The following INTS4 variants were observed in gnomAD, a reference collection of about 807,000 sequenced individuals.
INTS4 encodes integrator complex subunit 4.
Under a neutral mutation model 119.5 loss-of-function variants are expected in INTS4, and 70 were observed. The ratio of observed to expected loss-of-function variants is 0.59; its 90% CI spans 0.48 to 0.71. The LOEUF (loss-of-function observed/expected upper bound fraction) is 0.71. Ranked by LOEUF, INTS4 falls within the 30% of genes least tolerant of loss-of-function variation. The probability of loss-of-function intolerance (pLI) is 0.00; values close to 1 mark genes in which losing one functional copy is unlikely to be tolerated. For missense variants in INTS4, 867 were observed against 1,173.2 expected, an observed-to-expected ratio of 0.74 and a Z score of 3.81; for synonymous variants, 316 against 419.6, an observed-to-expected ratio of 0.75 and a Z score of 3.02.
intron 21 of INTS4, among the ~76,000 whole-genome samples, chr11:77,886,430 C>A (rs1289443978): frequency 6.6e-6 from 1 of 152,138 alleles, no homozygotes; most frequent in Admixed American, 6.6e-5. Flanking sequence ...AGTTAATAAT[C>A]GCGAAGGCCC....
At chr11:77,891,909 A>T in intron 19 of INTS4, 69 bp from the exon 20 acceptor site, 27 of 1,599,910 alleles carry the variant, frequency 1.7e-5, no homozygotes, top group Non-Finnish European at 2.3e-5. Flanking sequence ...TGGGCCCCAG[A>T]CACCTATCAA....
chr11:77,963,375 CAAA>C (rs1162893388), intron 4 of INTS4: 4 of 182,546 alleles, frequency 2.2e-5, no homozygotes, highest in South Asian at 1.7e-4. Flanking sequence ...AAAAAAAAAA[CAAA>C]AAAAACTGCT....
At chr11:77,982,615 T>C (rs1856292108) in intron 2 of INTS4, among the ~76,000 whole-genome samples, 1 of 152,104 alleles carries the variant, frequency 6.6e-6, no homozygotes, top group African/African-American at 2.4e-5. Flanking sequence ...AAAATTCCTG[T>C]GGTGAGAAAT....
intron 1 of INTS4, 59 bp downstream of exon 1, chr11:77,994,531 G>A: frequency 7.4e-7 from 1 of 1,357,270 alleles, no homozygotes; most frequent in Non-Finnish European, 1.1e-6. Context: ...AAAGTGCCTG[G>A]GATTTGGATA....
chr11:77,963,431 T>C (rs1855345799), intron 4 of INTS4: 8 of 416,810 alleles, frequency 1.9e-5, no homozygotes, highest in South Asian at 1.1e-4. Context: ...TTAAAAAAAA[T>C]TGCTAAGTGT....
intron 1 of INTS4, among the ~76,000 whole-genome samples, chr11:77,992,798 G>A (rs566538598): frequency 4.7e-4 from 71 of 152,246 alleles, no homozygotes; most frequent in African/African-American, 1.5e-3. Flanking sequence ...AGAGCTAGTC[G>A]ATAAATCTGT....
intron 2 of INTS4, among the ~76,000 whole-genome samples, chr11:77,983,833 A>G (rs1856341730): frequency 6.6e-6 from 1 of 152,188 alleles, no homozygotes; most frequent in African/African-American, 2.4e-5. Flanking sequence ...TGGCTCCTCA[A>G]AAAATTAATA....
intron 4 of INTS4, among the ~76,000 whole-genome samples, chr11:77,969,983 A>T (rs935596663): frequency 6.6e-6 from 1 of 152,162 alleles, no homozygotes; most frequent in Non-Finnish European, 1.5e-5. Flanking sequence ...TGTAGAGTGT[A>T]TTGGTATTTT....
intron 16 of INTS4, among the ~76,000 whole-genome samples, chr11:77,905,302 C>G (rs1952912234): frequency 6.6e-6 from 1 of 151,956 alleles, no homozygotes; most frequent in Admixed American, 6.6e-5. Context: ...ACTAAAAATA[C>G]AAAAATTAGC....
chr11:77,921,372 C>T lies in INTS4; in HGVS notation c.1732G>A (p.Asp578Asn), dbSNP rs1169722154. 5.6e-6 allele frequency: 9 copies of T among 1,613,508 alleles called. No homozygotes were observed. The highest frequency in any genetic ancestry group is 7.6e-6 in the Non-Finnish European group (9 of 1,179,586). ...GCAGGAACAAGATGAGAAAGACTGT[C>T]TCGGAGGTAGGCATAGTGCCTGAAG... ...HTFRHYAYLR[D>N]SLSHLVPALR... Residue 578 changes from aspartate to asparagine, a missense_variant, in exon 14 of 23, where the codon GAC becomes AAC. Coordinates refer to ENST00000534064, the MANE Select transcript of INTS4 (RefSeq NM_033547.4).
At position 77,896,984 on chromosome 11, in the gene INTS4, C is replaced by T. The variant is rs192111808; in HGVS notation, c.2229-2635G>A. 1.9e-3 allele frequency among the ~76,000 whole-genome samples: 291 copies of T among 151,612 alleles called. 3 individuals carry two copies. Among genetic ancestry groups the T allele is most frequent in the African/African-American group, 6.9e-3 (284 of 41,006 alleles). On this transcript the variant is annotated intron_variant, in intron 18 of 22. Transcript: ENST00000534064. ...GCTGTAGGGAAGAGAACCAGACTGA[C>T]ATAAAACATTCAACTGTAACATTAA...
chr11:77,941,676 TG>T (rs1290617672), intron 8 of INTS4, among the ~76,000 whole-genome samples: 4 of 152,106 alleles, frequency 2.6e-5, no homozygotes, highest in Admixed American at 2.6e-4. Context: ...TTTTTGGATT[TG>T]TAATTTTTAG....
Position 77,928,395 on chromosome 11 carries a change from T to C in INTS4, c.1318A>G (p.Asn440Asp), listed in dbSNP as rs755456584. The stretch of plus-strand genomic sequence containing the variant: ...TGATCTTCTCGGAGGGTGATGTTGT[T>C]AGAGATTTTTCTCATGGTATGTATA... ...QSIHTMRKIS[N>D]NITLREDQLD... The change falls in exon 11 of 23, where the codon AAC (asparagine) becomes GAC (aspartate). Residue 440 changes from asparagine to aspartate, a missense_variant. Physicochemically the swap from Asn to Asp is conservative, Grantham distance 23. Around this residue, in one of 5 missense-constraint regions of INTS4, gnomAD observed 208 missense variants for 306.6 expected, o/e 0.68. Coordinates refer to ENST00000534064, the MANE Select transcript of INTS4 (RefSeq NM_033547.4). 6.2e-6 allele frequency: 10 copies of C among 1,612,378 alleles called. No homozygotes were observed. Among genetic ancestry groups the C allele is most frequent in the Non-Finnish European group, 8.5e-6 (10 of 1,178,984 alleles).
intron 8 of INTS4, among the ~76,000 whole-genome samples, chr11:77,953,354 C>G (rs1842935453): frequency 6.6e-6 from 1 of 152,086 alleles, no homozygotes; most frequent in African/African-American, 2.4e-5. Flanking sequence ...ATGCCCCCAC[C>G]CACCCTACAT....
chr11:77,989,882 A>C (rs981725721), intron 2 of INTS4, among the ~76,000 whole-genome samples: 5 of 152,250 alleles, frequency 3.3e-5, no homozygotes, highest in Middle Eastern at 3.4e-3. Context: ...CTGGGCGAGA[A>C]AGCAAGACCC....
At chr11:77,980,781 G>C (rs535300206) in intron 3 of INTS4, among the ~76,000 whole-genome samples, 1 of 152,104 alleles carries the variant, frequency 6.6e-6, no homozygotes, top group Non-Finnish European at 1.5e-5. Flanking sequence ...ACAAGGTCAG[G>C]AGATCAAGAC....
rs146000624 is a variant in INTS4, at chr11:77,988,936, C to T, written c.246+2172G>A. Among the ~76,000 whole-genome samples the T allele has an allele frequency of 3.7e-3, 559 of 152,258 alleles. 3 individuals carry two copies. Among genetic ancestry groups the T allele is most frequent in the African/African-American group, 0.013 (534 of 41,540 alleles). ...GAATGCCATGTGGGGACCTGGTTTG[C>T]ATTTTGATTTGAATACATCAACTAT... On this transcript the variant is annotated intron_variant, in intron 2 of 22. Coordinates refer to ENST00000534064, the MANE Select transcript of INTS4 (RefSeq NM_033547.4).
chr11:77,948,990 T>G (rs535876943), intron 8 of INTS4, among the ~76,000 whole-genome samples: 3 of 152,110 alleles, frequency 2.0e-5, no homozygotes, highest in South Asian at 2.1e-4. Context: ...TGGTTTTTAG[T>G]TTTTTTTAGC....
chr11:77,931,776 A>G (rs1953656081), intron 10 of INTS4, among the ~76,000 whole-genome samples: 1 of 152,228 alleles, frequency 6.6e-6, no homozygotes, highest in African/African-American at 2.4e-5. Context: ...AGGCCTCAGA[A>G]ATAACACCAC....
Sources: gnomAD v4.1 joint callset for allele counts (sites outside exome capture counted in the v4.1 genomes callset) on GRCh38, gnomAD v4.1.1 for gene constraint, gnomAD v4.1.1 regional missense constraint, MANE v1.5 for transcripts, NCBI Gene and HGNC (gene_info 2026-07-23, HGNC 2026-07-21) for gene names.